The following HNRNPLL variants were observed in gnomAD, a reference collection of about 807,000 sequenced individuals.
The protein encoded by HNRNPLL is heterogeneous nuclear ribonucleoprotein L-like.
HNRNPLL carries 25 observed loss-of-function variants against 67.1 expected under a neutral mutation model. That is an observed-to-expected ratio of 0.37 (90% CI 0.27 to 0.52). The LOEUF (loss-of-function observed/expected upper bound fraction) is 0.52. Among genes scored for constraint, HNRNPLL ranks in the 20% least tolerant of loss-of-function variants. The pLI, the probability that HNRNPLL is intolerant of heterozygous loss-of-function variation, is 0.90. For missense variants in HNRNPLL, 542 were observed against 673.9 expected, an observed-to-expected ratio of 0.80 and a Z score of 2.17; for synonymous variants, 267 against 241.7, an observed-to-expected ratio of 1.10 and a Z score of -0.97.
Position 38,581,695 on chromosome 2 carries a change from C to T in HNRNPLL, c.802+218G>A, listed in dbSNP as rs541380594. ...CTGCGGGCGTGCCTGAATGTGTGGG[C>T]TCCTTGTTGAACTAAATATAAATAG... On this transcript the variant is annotated intron_variant, in intron 6 of 12. Transcript: ENST00000449105. 2.7e-5 allele frequency: 15 copies of T among 546,560 alleles called. No individual in the cohort carries two copies. In the South Asian group the frequency reaches 4.2e-4, roughly 15 times the overall value. The allele number at this position is 546,560 out of a possible 1,614,324, so 33.9% of individuals were successfully genotyped here. A position where few individuals can be genotyped will look rare whatever the true frequency, so the allele number is the denominator to read the frequency against.
chr2:38,574,651 A>G (rs1666229949), intron 7 of HNRNPLL, among the ~76,000 whole-genome samples: 1 of 151,814 alleles, frequency 6.6e-6, no homozygotes, highest in African/African-American at 2.4e-5. Flanking sequence ...GCCATTCATA[A>G]CAACACAGTA....
In HNRNPLL at chr2:38,563,957, T is replaced by C. The variant is rs930673615; in HGVS notation, c.*225A>G. ...AATCATATATCTGTATAATCTACAA[T>C]GAAGCTGTAGATAGTCTACATTATG... is the stretch of plus-strand genomic sequence containing the variant. On this transcript the variant is annotated 3_prime_UTR_variant, in exon 13 of 13. Transcript: ENST00000449105. The C allele has an allele frequency of 2.2e-6, 1 of 445,432 alleles. No individual in the cohort carries two copies. The highest frequency in any genetic ancestry group is 2.0e-5 in the African/African-American group (1 of 49,158). 27.6% of individuals were successfully genotyped at this position (445,432 alleles called of 1,614,324 possible).
In HNRNPLL at chr2:38,582,145, T is replaced by A; in HGVS notation, c.656A>T (p.Gln219Leu). The stretch of plus-strand genomic sequence containing the variant: ...TCCATTGAGTGCTGCTTTAGCTTTC[T>A]GGGCACAAAGGACTGATTCAAACAT... ...MVEFESVLCA[Q>L]KAKAALNGAD... is the part of the protein sequence containing the mutation. The change falls in exon 5 of 13, where the codon CAG (glutamine) becomes CTG (leucine). Residue 219 changes from glutamine to leucine, a missense_variant. Physicochemically the swap from Gln to Leu is moderately radical, Grantham distance 113. This residue lies in a region of HNRNPLL where 415 missense variants were observed against 575.2 expected (regional missense o/e 0.72). Transcript: ENST00000449105. 1 of 1,614,028 alleles carries A rather than the reference T, an allele frequency of 6.2e-7. No individual in the cohort carries two copies. The highest frequency in any genetic ancestry group is 8.5e-7 in the Non-Finnish European group (1 of 1,179,884).
intron 6 of HNRNPLL, chr2:38,580,955 C>A (rs1019821704): frequency 2.6e-5 from 4 of 152,102 alleles, no homozygotes; most frequent in African/African-American, 9.7e-5. Flanking sequence ...AAAAATCAAA[C>A]CACACAGAAG....
chr2:38,598,047 T>C (rs1027940522), intron 1 of HNRNPLL, among the ~76,000 whole-genome samples: 5 of 151,866 alleles, frequency 3.3e-5, no homozygotes, highest in African/African-American at 7.3e-5. Context: ...ATAGAAATCA[T>C]TTGGTTTTGC....
intron 8 of HNRNPLL, 129 bp from the exon 9 acceptor site, chr2:38,570,054 T>TG (rs145942144): frequency 0.06 from 38,588 of 644,374 alleles, 1,300 homozygotes; most frequent in South Asian, 0.086. Context: ...AACTATACTC[T>TG]GCCATGTTAT....
chr2:38,589,054 T>G (rs1666854736), intron 2 of HNRNPLL, among the ~76,000 whole-genome samples: 1 of 152,202 alleles, frequency 6.6e-6, no homozygotes, highest in South Asian at 2.1e-4. Context: ...ATTGTAAAAC[T>G]AATCATTTCC....
chr2:38,602,808 G>T lies in HNRNPLL; in HGVS notation c.-182C>A. 1.3e-6 allele frequency: 2 copies of T among 1,544,312 alleles called. No homozygotes were observed. Among genetic ancestry groups the T allele is most frequent in the Non-Finnish European group, 1.7e-6 (2 of 1,144,524 alleles). Reference sequence around the variant, plus strand: ...CGGCTGAGAAGCGCGGACGGACTGAGGGGGGCGCCCCGGGAGGAAGCTCTG... The same window carrying T: ...CGGCTGAGAAGCGCGGACGGACTGATGGGGGCGCCCCGGGAGGAAGCTCTG... On this transcript the variant is annotated 5_prime_UTR_variant, in exon 1 of 13. Transcript: ENST00000449105.
In HNRNPLL at chr2:38,591,592, T is replaced by C. The variant is rs766980275; in HGVS notation, c.246A>G (p.Gly82=). ...VSVSPVVHVR[G]LCESVVEADL... ...CTGCTTCCACCACAGATTCACAGAG[T>C]CCTCGAACATGGACGACGGGTGAAA... The change falls in exon 2 of 13, where the codon GGA becomes GGG. Residue 82 remains glycine (G), a synonymous_variant. Transcript: ENST00000449105. 12 of 1,613,928 alleles carry C rather than the reference T, an allele frequency of 7.4e-6. No homozygotes were observed. Among genetic ancestry groups the C allele is most frequent in the Non-Finnish European group, 1.0e-5 (12 of 1,179,888 alleles).
At chr2:38,578,572 G>C (rs997216936) in intron 6 of HNRNPLL, among the ~76,000 whole-genome samples, 86 of 152,128 alleles carry the variant, frequency 5.7e-4, no homozygotes, top group Non-Finnish European at 5.6e-4. Context: ...CTTCAGTCTA[G>C]AGAAGTAGAG....
rs1212870093 is a variant in HNRNPLL at position 38,579,735 on chromosome 2, G to C, written c.802+2178C>G. Among the ~76,000 whole-genome samples the C allele has an allele frequency of 4.3e-5, 6 of 139,332 alleles. No individual in the cohort carries two copies. In the South Asian group the frequency reaches 6.5e-4, roughly 15 times the overall value. The allele number at this position is 139,332 out of a possible 152,430, so 91.4% of individuals were successfully genotyped here. A position where few individuals can be genotyped will look rare whatever the true frequency, so the allele number is the denominator to read the frequency against. ...AAAGTGAGGGTATGTTTTTAAAAAA[G>C]TTTTTATTTTTTTTGGTTAAAAAAA... is the stretch of plus-strand genomic sequence containing the variant. On this transcript the variant is annotated intron_variant, in intron 6 of 12. Transcript: ENST00000449105.
rs1169279208 is a variant in HNRNPLL, at chr2:38,602,748, G to C, written c.-122C>G. On this transcript the variant is annotated 5_prime_UTR_variant, in exon 1 of 13. Coordinates refer to ENST00000449105, the MANE Select transcript of HNRNPLL (RefSeq NM_138394.4). ...TCTTCTGCGAGGGTCTCCGCGGCCC[G>C]GCCGTCCGCGGGGACTGCGCGGCCA... is the stretch of plus-strand genomic sequence containing the variant. 1.0e-5 allele frequency: 15 copies of C among 1,506,462 alleles called. No individual in the cohort carries two copies. The highest frequency in any genetic ancestry group is 1.3e-5 in the Non-Finnish European group (15 of 1,126,662). The allele number at this position is 1,506,462 out of a possible 1,614,324, so 93.3% of individuals were successfully genotyped here. A position where few individuals can be genotyped will look rare whatever the true frequency, so the allele number is the denominator to read the frequency against.
rs1667503381 is a variant in HNRNPLL at position 38,602,708 on chromosome 2, G to C, written c.-82C>G. On this transcript the variant is annotated 5_prime_UTR_variant, in exon 1 of 13. Transcript: ENST00000449105. The stretch of plus-strand genomic sequence containing the variant: ...CCTCGGATGCCGCCGGCCAGTCCTC[G>C]CCGCCGGCAGCGCCTCTTCTGCGAG... 1 of 1,429,858 alleles carries C rather than the reference G, an allele frequency of 7.0e-7. No homozygotes were observed. Among genetic ancestry groups the C allele is most frequent in the South Asian group, 1.5e-5 (1 of 67,214 alleles). 88.6% of individuals were successfully genotyped at this position (1,429,858 alleles called of 1,614,324 possible).
chr2:38,577,626 C>T (rs1419051699), intron 6 of HNRNPLL, 94 bp from the exon 7 acceptor site: 1 of 748,966 alleles, frequency 1.3e-6, no homozygotes, highest in South Asian at 1.5e-5. Flanking sequence ...ACATCCAATA[C>T]AACAATTCAT....
In HNRNPLL at chr2:38,590,644, G is replaced by A. The variant is rs567392834; in HGVS notation, c.308+886C>T. The stretch of plus-strand genomic sequence containing the variant: ...AGTTAATATTCTTAAGTATACAGCA[G>A]CTGTGGGAAGAGACAGGGGGAGCCT... On this transcript the variant is annotated intron_variant, in intron 2 of 12. Transcript: ENST00000449105. Among the ~76,000 whole-genome samples, 13 of 152,274 alleles carry A rather than the reference G, an allele frequency of 8.5e-5. No individual in the cohort carries two copies. The South Asian group carries it at 2.1e-3, about 24-fold the overall frequency.
intron 2 of HNRNPLL, among the ~76,000 whole-genome samples, chr2:38,587,851 G>A (rs1206206382): frequency 6.6e-6 from 1 of 152,134 alleles, no homozygotes; most frequent in Non-Finnish European, 1.5e-5. Flanking sequence ...ATTGGCTCAT[G>A]GGGGTGGTTT....
chr2:38,594,375 A>T (rs1558546111), intron 1 of HNRNPLL, among the ~76,000 whole-genome samples: 1 of 152,168 alleles, frequency 6.6e-6, no homozygotes, highest in Non-Finnish European at 1.5e-5. Context: ...ATGTAAGAGA[A>T]TACCCTTATT....
intron 12 of HNRNPLL, chr2:38,566,104 C>G: frequency 1.0e-6 from 1 of 987,780 alleles, no homozygotes; most frequent in Non-Finnish European, 1.2e-6. Context: ...TGAGTTTTCT[C>G]ACGCCTGTAA....
chr2:38,569,110 C>T, intron 10 of HNRNPLL, 23 bp downstream of exon 10: 2 of 1,472,216 alleles, frequency 1.4e-6, no homozygotes, highest in South Asian at 1.1e-5. Flanking sequence ...ACATTCTATA[C>T]ACATTTGTAT....
Sources: gnomAD v4.1 joint callset for allele counts (sites outside exome capture counted in the v4.1 genomes callset) on GRCh38, gnomAD v4.1.1 for gene constraint, gnomAD v4.1.1 regional missense constraint, MANE v1.5 for transcripts, NCBI Gene and HGNC (gene_info 2026-07-23, HGNC 2026-07-21) for gene names.